Variants in MATR3 observed in about 807,000 individuals in gnomAD.
The protein encoded by MATR3 is matrin 3.
Under a neutral mutation model 85.5 loss-of-function variants are expected in MATR3, and 4 were observed. That is an observed-to-expected ratio of 0.05 (90% CI 0.02 to 0.11). The LOEUF is 0.11. Ranked by LOEUF, MATR3 falls within the 10% of genes least tolerant of loss-of-function variation. The pLI is 1.00. For synonymous variants in MATR3, 336 were observed against 343.1 expected (o/e 0.98, Z 0.23); for missense variants, 685 against 1,016.1 (o/e 0.67, Z 4.43).
chr5:139,300,220 C>T (rs1754368745), intron 1 of MATR3, among the ~76,000 whole-genome samples: 1 of 152,054 alleles, frequency 6.6e-6, no homozygotes, highest in South Asian at 2.1e-4. Flanking sequence ...AGAAAATTTG[C>T]CAGGTGTGGT....
intron 14 of MATR3, among the ~76,000 whole-genome samples, chr5:139,328,702 T>A (rs1303998283): frequency 1.3e-5 from 2 of 152,184 alleles, no homozygotes; most frequent in Non-Finnish European, 2.9e-5. Flanking sequence ...TCAGGTGATT[T>A]AATGAGTAGT....
chr5:139,292,309 C>A (rs1243221005), upstream of MATR3, among the ~76,000 whole-genome samples: 1 of 152,094 alleles, frequency 6.6e-6, no homozygotes, highest in African/African-American at 2.4e-5. Flanking sequence ...CAAATGGTAT[C>A]CCACAGTAGC....
In MATR3 at chr5:139,286,450, T is replaced by C. The variant is rs149302520; in HGVS notation, c.-178+7321T>C. ...CCTCGGCCTCCCAAAGTGCTATGAT[T>C]ACAGGTGTGAGCCACTGTGCCTGGA... On this transcript the variant is annotated intron_variant, in intron 3 of 16. Transcript: ENST00000509990. Among the ~76,000 whole-genome samples the C allele has an allele frequency of 1.3e-3, 194 of 152,068 alleles. 3 individuals carry two copies. In the East Asian group the frequency reaches 0.025, roughly 20 times the overall value.
chr5:139,283,360 T>A (rs1009230365), intron 3 of MATR3: 4 of 152,208 alleles, frequency 2.6e-5, no homozygotes, highest in African/African-American at 9.7e-5. Context: ...TCAACTAGGC[T>A]GACTACCCCA....
intron 2 of MATR3, chr5:139,311,895 G>A (rs1342220385): frequency 6.6e-6 from 1 of 150,948 alleles, no homozygotes; most frequent in Non-Finnish European, 1.5e-5. Flanking sequence ...AGCATCCCAG[G>A]TAGCTGGGAT....
chr5:139,320,816 C>G (rs763021971), intron 9 of MATR3, among the ~76,000 whole-genome samples: 1 of 140,044 alleles, frequency 7.1e-6, no homozygotes, highest in Non-Finnish European at 1.5e-5. Context: ...GGTGCAATCT[C>G]AGCTTACTGC....
chr5:139,280,710 T>C (rs1373220856), intron 3 of MATR3: 1 of 152,246 alleles, frequency 6.6e-6, no homozygotes, highest in Non-Finnish European at 1.5e-5. Flanking sequence ...AAATTTTATG[T>C]CATGAATAGT....
At chr5:139,323,635 C>T (rs1189083341) in intron 12 of MATR3, among the ~76,000 whole-genome samples, 7 of 152,176 alleles carry the variant, frequency 4.6e-5, no homozygotes, top group Admixed American at 1.3e-4. Context: ...CAGGCGGGCC[C>T]AGTGGCTCAC....
intron 10 of MATR3, 142 bp downstream of exon 10, chr5:139,322,171 T>A: frequency 9.5e-7 from 1 of 1,047,230 alleles, no homozygotes; most frequent in Non-Finnish European, 1.4e-6. Flanking sequence ...AGAACAACCT[T>A]TTTTTCTGGT....
chr5:139,297,930 G>C (rs570021113), intron 1 of MATR3, among the ~76,000 whole-genome samples: 7 of 152,322 alleles, frequency 4.6e-5, no homozygotes, highest in Admixed American at 6.5e-5. Flanking sequence ...AACAAGAGGG[G>C]AGCTTGCCTG....
rs768238591 is a variant in MATR3, at chr5:139,326,297, G to A, written c.2493+13G>A. The A allele has an allele frequency of 3.1e-6, 5 of 1,609,720 alleles. No individual in the cohort carries two copies. The highest frequency in any genetic ancestry group is 1.3e-5 in the African/African-American group (1 of 74,850). ...TCAGAAATTAAAGGTAAGGTTGAAT[G>A]TAAAACAGTTCTTTTGTGAAAACTT... On this transcript the variant is annotated intron_variant, in intron 14 of 14. Coordinates refer to ENST00000394805, the MANE Select transcript of MATR3 (RefSeq NM_018834.6).
intron 2 of MATR3, chr5:139,310,748 T>G (rs1343982163): frequency 2.0e-5 from 3 of 152,086 alleles, no homozygotes; most frequent in Admixed American, 6.6e-5. Context: ...GTGTTTTTAT[T>G]TCTTTATAGG....
chr5:139,305,555 T>G lies in MATR3; in HGVS notation c.-177-1684T>G, dbSNP rs1174327152. ...ATTTGTAAAAATATGTGTGAAAATT[T>G]AGAGGGTCCACCACCATTTACATAG... On this transcript the variant is annotated intron_variant, in intron 1 of 14. Transcript: ENST00000394805. Among the ~76,000 whole-genome samples the G allele has an allele frequency of 2.0e-5, 3 of 152,160 alleles. No homozygotes were observed. The East Asian group carries it at 5.8e-4, about 29-fold the overall frequency.
chr5:139,291,588 C>T (rs1012087365), upstream of MATR3, among the ~76,000 whole-genome samples: 7 of 151,980 alleles, frequency 4.6e-5, no homozygotes, highest in Admixed American at 2.0e-4. Flanking sequence ...CCCAGGCTGG[C>T]GTGCAATGGC....
rs13698 is a variant in MATR3, at chr5:139,329,572, A to G, written c.*177A>G. 26,765 of 625,234 alleles carry G rather than the reference A, an allele frequency of 0.043. 703 individuals are homozygous for G. The highest frequency in any genetic ancestry group is 0.053 in the Non-Finnish European group (18,105 of 342,346). 38.7% of individuals were successfully genotyped at this position (625,234 alleles called of 1,614,324 possible). ...GTGTTATAGCAAAAAAAATACACAT[A>G]TGGTTAAGTTAATGAATAGTTTTTG... On this transcript the variant is annotated 3_prime_UTR_variant, in exon 15 of 15. Coordinates refer to ENST00000394805, the MANE Select transcript of MATR3 (RefSeq NM_018834.6).
intron 10 of MATR3, 58 bp from the exon 11 acceptor site, chr5:139,322,405 A>G: frequency 7.0e-7 from 1 of 1,436,952 alleles, no homozygotes. Flanking sequence ...TTATTAATTC[A>G]CTGGATAATT....
chr5:139,290,470 A>T (rs11748667), upstream of MATR3, among the ~76,000 whole-genome samples: 2 of 73,518 alleles, frequency 2.7e-5, no homozygotes, highest in Admixed American at 1.4e-4. Flanking sequence ...TTTTTTTAAC[A>T]GGGTCCTGCT....
intron 1 of MATR3, among the ~76,000 whole-genome samples, chr5:139,306,529 C>A (rs2151957652): frequency 6.6e-6 from 1 of 152,186 alleles, no homozygotes; most frequent in Non-Finnish European, 1.5e-5. Flanking sequence ...AGTTAGTTCT[C>A]CTTACTTTAA....
rs557531046 is a variant in MATR3, at chr5:139,330,122, G to A, written c.*727G>A. The stretch of plus-strand genomic sequence containing the variant: ...TCTTACTGCTTGTCACTTGAATCCC[G>A]TGATTGTCATACATCTCTGGTATAA... On this transcript the variant is annotated 3_prime_UTR_variant, in exon 15 of 15. Transcript: ENST00000394805. 4.4e-6 allele frequency: 2 copies of A among 454,404 alleles called. No individual in the cohort carries two copies. The highest frequency in any genetic ancestry group is 4.4e-6 in the Non-Finnish European group (1 of 226,780). 28.1% of individuals were successfully genotyped at this position (454,404 alleles called of 1,614,324 possible). A position where few individuals can be genotyped will look rare whatever the true frequency, so the allele number is the denominator to read the frequency against.
Sources: gnomAD v4.1 joint callset for allele counts (sites outside exome capture counted in the v4.1 genomes callset) on GRCh38, gnomAD v4.1.1 for gene constraint, MANE v1.5 for transcripts, NCBI Gene and HGNC (gene_info 2026-07-23, HGNC 2026-07-21) for gene names.